The following PYHIN1 variants were observed in gnomAD, a reference collection of about 807,000 sequenced individuals.
PYHIN1 encodes pyrin and HIN domain family member 1, also known as pyrin and HIN domain-containing protein 1.
In PYHIN1, 32 loss-of-function variants were observed where a neutral mutation model predicts 43.7. The ratio of observed to expected loss-of-function variants is 0.73; its 90% CI spans 0.55 to 0.98. PYHIN1 has a LOEUF of 0.98. Ranked by LOEUF, PYHIN1 falls within the 50% of genes least tolerant of loss-of-function variation. The probability of loss-of-function intolerance (pLI) is 0.00; values close to 1 mark genes in which losing one functional copy is unlikely to be tolerated. For synonymous variants in PYHIN1, 205 were observed against 203.1 expected, an observed-to-expected ratio of 1.01 and a Z score of -0.08; for missense variants, 588 against 589.5, an observed-to-expected ratio of 1.00 and a Z score of 0.03.
At chr1:158,983,387 T>C in the PYHIN1 span, among the ~76,000 whole-genome samples, 1 of 152,178 alleles carries the variant, frequency 6.6e-6, no homozygotes, top group African/African-American at 2.4e-5. Context: ...TCTGCATCTA[T>C]TTAGATAATC....
chr1:158,975,358 G>T (rs899531585), intron 8 of PYHIN1, among the ~76,000 whole-genome samples: 1 of 151,996 alleles, frequency 6.6e-6, no homozygotes, highest in African/African-American at 2.4e-5. Context: ...AGCCCAGAAT[G>T]GTTGGGAAAA....
At chr1:158,953,773 A>G (rs1408922034) in intron 7 of PYHIN1, among the ~76,000 whole-genome samples, 5 of 152,222 alleles carry the variant, frequency 3.3e-5, no homozygotes, top group Admixed American at 2.6e-4. Flanking sequence ...CGAGCTGAGA[A>G]AAGAAGGCTT....
intron 7 of PYHIN1, among the ~76,000 whole-genome samples, chr1:158,963,422 C>T (rs1650441786): frequency 6.6e-6 from 1 of 152,058 alleles, no homozygotes; most frequent in African/African-American, 2.4e-5. Flanking sequence ...CTGCCATAAC[C>T]ACTGCTAAGG....
chr1:158,968,115 A>G (rs1298694135), intron 7 of PYHIN1, among the ~76,000 whole-genome samples: 4 of 151,930 alleles, frequency 2.6e-5, no homozygotes, highest in African/African-American at 9.7e-5. Context: ...AAACTAATGA[A>G]CTTCTGCACA....
At chr1:158,969,267 T>C (rs1288926205) in intron 7 of PYHIN1, among the ~76,000 whole-genome samples, 4 of 152,012 alleles carry the variant, frequency 2.6e-5, no homozygotes, top group Non-Finnish European at 5.9e-5. Flanking sequence ...GCATGAGAAA[T>C]TAGGTAACTG....
At chr1:158,938,195 G>A (rs574031941) in intron 2 of PYHIN1, among the ~76,000 whole-genome samples, 1 of 152,312 alleles carries the variant, frequency 6.6e-6, no homozygotes, top group East Asian at 1.9e-4. Context: ...AGTGATGAAA[G>A]CACTGAGGAG....
chr1:158,968,344 T>A (rs1650746299), intron 7 of PYHIN1, among the ~76,000 whole-genome samples: 1 of 151,874 alleles, frequency 6.6e-6, no homozygotes, highest in Non-Finnish European at 1.5e-5. Context: ...CATGAAAAAA[T>A]GCTCAACATC....
intron 7 of PYHIN1, among the ~76,000 whole-genome samples, chr1:158,951,801 T>A (rs1183976578): frequency 2.0e-5 from 3 of 152,230 alleles, no homozygotes; most frequent in African/African-American, 7.2e-5. Flanking sequence ...AATTGCTCCT[T>A]AACTAACTCA....
chr1:158,961,199 C>A (rs751072420), intron 7 of PYHIN1, among the ~76,000 whole-genome samples: 1 of 152,130 alleles, frequency 6.6e-6, no homozygotes, highest in Non-Finnish European at 1.5e-5. Context: ...CAGCCTTATA[C>A]ATAAGAGAAA....
chr1:158,977,618 C>G (rs765105439), downstream of PYHIN1, among the ~76,000 whole-genome samples: 2 of 152,108 alleles, frequency 1.3e-5, no homozygotes, highest in Non-Finnish European at 2.9e-5. Flanking sequence ...GGCAGAAAGT[C>G]AGTATCTAAA....
chr1:158,970,514 C>T (rs923049850), intron 7 of PYHIN1, among the ~76,000 whole-genome samples: 4 of 151,908 alleles, frequency 2.6e-5, no homozygotes, highest in African/African-American at 9.7e-5. Context: ...TTGGCCTTTC[C>T]ACTAAGATAA....
chr1:158,940,583 T>C (rs912101320), intron 4 of PYHIN1, among the ~76,000 whole-genome samples: 4 of 152,196 alleles, frequency 2.6e-5, no homozygotes, highest in Non-Finnish European at 5.9e-5. Context: ...ATTGAAACTC[T>C]AATGAGCTTT....
chr1:158,932,801 C>T (rs1472442727), intron 1 of PYHIN1, among the ~76,000 whole-genome samples: 1 of 152,076 alleles, frequency 6.6e-6, no homozygotes. Context: ...TTACTTCCTG[C>T]CCTCCTGAAA....
At chr1:158,988,840 C>CAG in the PYHIN1 span, among the ~76,000 whole-genome samples, 3 of 152,070 alleles carry the variant, frequency 2.0e-5, no homozygotes, top group African/African-American at 4.8e-5. Context: ...ATTCACATTG[C>CAG]AGAGAGAGAG....
intron 7 of PYHIN1, among the ~76,000 whole-genome samples, chr1:158,956,181 G>A (rs1042219821): frequency 5.5e-5 from 8 of 144,706 alleles, no homozygotes; most frequent in Non-Finnish European, 1.1e-4. Flanking sequence ...GGTACAAGGA[G>A]GAACTGGTAC....
At chr1:158,966,639 C>G (rs187718987) in intron 7 of PYHIN1, among the ~76,000 whole-genome samples, 2 of 152,166 alleles carry the variant, frequency 1.3e-5, no homozygotes, top group East Asian at 3.9e-4. Context: ...GATGCAGAAA[C>G]AGCTTTCAAT....
chr1:158,990,109 T>C, the PYHIN1 span, among the ~76,000 whole-genome samples: 3 of 152,200 alleles, frequency 2.0e-5, no homozygotes, highest in African/African-American at 7.2e-5. Flanking sequence ...TATGACCATG[T>C]ATCAAGATGG....
chr1:158,983,060 T>C, the PYHIN1 span, among the ~76,000 whole-genome samples: 1 of 152,174 alleles, frequency 6.6e-6, no homozygotes, highest in South Asian at 2.1e-4. Flanking sequence ...TGGGGTTTTC[T>C]GGGTATAGAA....
At chr1:158,956,592 T>C (rs1649947617) in intron 7 of PYHIN1, among the ~76,000 whole-genome samples, 1 of 151,864 alleles carries the variant, frequency 6.6e-6, no homozygotes, top group Admixed American at 6.6e-5. Context: ...TAGGTACTGA[T>C]GGGACGTATT....
Sources: gnomAD v4.1 joint callset for allele counts (sites outside exome capture counted in the v4.1 genomes callset) on GRCh38, gnomAD v4.1.1 for gene constraint, MANE v1.5 for transcripts, NCBI Gene and HGNC (gene_info 2026-07-23, HGNC 2026-07-21) for gene names.